AUTS2: variants seen among roughly 807,000 people sequenced by gnomAD.
AUTS2 encodes autism susceptibility gene 2 protein.
Under a neutral mutation model 112.4 loss-of-function variants are expected in AUTS2, and 17 were observed. The ratio of observed to expected loss-of-function variants is 0.15; its 90% CI spans 0.10 to 0.23. AUTS2 has a LOEUF of 0.23. Among genes scored for constraint, AUTS2 ranks in the 10% least tolerant of loss-of-function variants. The pLI is 1.00. For missense variants in AUTS2, 1,510 were observed against 1,701.6 expected (o/e 0.89, Z 1.98); for synonymous variants, 751 against 702.7 (o/e 1.07, Z -1.09).
intron 1 of AUTS2, among the ~76,000 whole-genome samples, chr7:69,861,686 C>T (rs1792990581): frequency 6.6e-6 from 1 of 152,082 alleles, no homozygotes; most frequent in Non-Finnish European, 1.5e-5. Flanking sequence ...AATTAATTAC[C>T]TCATCTGGAG....
chr7:70,528,332 C>T (rs1043307407), intron 5 of AUTS2, among the ~76,000 whole-genome samples: 10 of 151,110 alleles, frequency 6.6e-5, no homozygotes, highest in African/African-American at 1.5e-4. Context: ...TGGTTGAGGG[C>T]GAGAGGAAAG....
At chr7:70,126,253 T>C (rs1805964802) in intron 3 of AUTS2, among the ~76,000 whole-genome samples, 1 of 152,104 alleles carries the variant, frequency 6.6e-6, no homozygotes, top group African/African-American at 2.4e-5. Context: ...ACCCCGTCTC[T>C]ACTAAAACTA....
chr7:70,030,440 G>A lies in AUTS2; in HGVS notation c.523-87692G>A, dbSNP rs149810138. On this transcript the variant is annotated intron_variant, in intron 2 of 18. Transcript: ENST00000342771. The stretch of plus-strand genomic sequence containing the variant: ...GGTAATGATGTAATGACCTTGGAGG[G>A]GCAGGCCAGTTTTCCGCTGTGAAGC... 1.6e-3 allele frequency among the ~76,000 whole-genome samples: 247 copies of A among 152,206 alleles called. 1 individual carries two copies. Among genetic ancestry groups the A allele is most frequent in the Non-Finnish European group, 1.9e-3 (129 of 68,016 alleles).
chr7:70,403,937 C>T (rs1794427400), intron 4 of AUTS2, among the ~76,000 whole-genome samples: 1 of 152,122 alleles, frequency 6.6e-6, no homozygotes, highest in South Asian at 2.1e-4. Flanking sequence ...GGCTTGAAAA[C>T]ATTCATACCC....
At chr7:70,596,216 A>G (rs898126253) in intron 5 of AUTS2, 1 of 152,482 alleles carries the variant, frequency 6.6e-6, no homozygotes, top group African/African-American at 2.4e-5. Context: ...GGGCCGAGGC[A>G]TCCGCGAGCC....
Position 69,729,994 on chromosome 7 carries a change from A to ATTT in AUTS2, c.309+130055_309+130057dup, listed in dbSNP as rs10684331. Among the ~76,000 whole-genome samples, 349 of 56,724 alleles carry ATTT rather than the reference A, an allele frequency of 6.2e-3. 8 individuals carry two copies. The highest frequency in any genetic ancestry group is 0.019 in the Middle Eastern group (1 of 54). The allele number at this position is 56,724 out of a possible 152,430, so 37.2% of individuals were successfully genotyped here. On this transcript the variant is annotated intron_variant, in intron 1 of 18. Transcript: ENST00000342771. ...GTTTTTTTTTGTTGTTGTTGTTTTA[A>ATTT]TTTTTTTTTTTTTTTTTTTTTTTTT...
At chr7:69,873,347 G>A (rs1265571404) in intron 1 of AUTS2, among the ~76,000 whole-genome samples, 1 of 151,398 alleles carries the variant, frequency 6.6e-6, no homozygotes, top group Admixed American at 6.6e-5. Flanking sequence ...AGCCCTTATT[G>A]GTATGGTTAA....
intron 1 of AUTS2, among the ~76,000 whole-genome samples, chr7:69,870,050 T>C (rs1403754114): frequency 6.6e-6 from 1 of 152,180 alleles, no homozygotes; most frequent in African/African-American, 2.4e-5. Context: ...GAGACTGTGA[T>C]TGTTAATATA....
chr7:70,403,789 G>A (rs1794422067), intron 4 of AUTS2, among the ~76,000 whole-genome samples: 1 of 152,164 alleles, frequency 6.6e-6, no homozygotes, highest in African/African-American at 2.4e-5. Context: ...TTATGTGCTG[G>A]GCAGTTTGGG....
At chr7:70,090,174 A>G (rs1312944187) in intron 2 of AUTS2, among the ~76,000 whole-genome samples, 1 of 151,784 alleles carries the variant, frequency 6.6e-6, no homozygotes, top group Non-Finnish European at 1.5e-5. Flanking sequence ...GTTATACCAT[A>G]TCTTCAACTT....
intron 1 of AUTS2, among the ~76,000 whole-genome samples, chr7:69,688,606 C>T (rs1322309802): frequency 6.6e-6 from 1 of 152,042 alleles, no homozygotes; most frequent in African/African-American, 2.4e-5. Flanking sequence ...TCATCTCAAA[C>T]ATTTATCATT....
At chr7:70,168,220 G>T (rs545563382) in intron 4 of AUTS2, among the ~76,000 whole-genome samples, 1 of 152,214 alleles carries the variant, frequency 6.6e-6, no homozygotes, top group East Asian at 1.9e-4. Flanking sequence ...GATGTGAATT[G>T]GTTCTTCAGA....
chr7:70,620,648 TA>T (rs1021136145), intron 5 of AUTS2, among the ~76,000 whole-genome samples: 3 of 152,132 alleles, frequency 2.0e-5, no homozygotes, highest in Non-Finnish European at 4.4e-5. Context: ...GTGATTTCAT[TA>T]GGATTTCTCA....
intron 5 of AUTS2, among the ~76,000 whole-genome samples, chr7:70,684,550 G>GTGGCA (rs369419261): frequency 0.029 from 4,407 of 151,416 alleles, 228 homozygotes; most frequent in African/African-American, 0.1. Context: ...GTGGTGTGGC[G>GTGGCA]TGGCGTGGCG....
At chr7:70,674,812 C>T (rs1212690587) in intron 5 of AUTS2, among the ~76,000 whole-genome samples, 2 of 152,212 alleles carry the variant, frequency 1.3e-5, no homozygotes, top group African/African-American at 4.8e-5. Flanking sequence ...AAAGAATCCA[C>T]AATGGATTTC....
chr7:70,467,528 A>G (rs1230125961), intron 5 of AUTS2, among the ~76,000 whole-genome samples: 4 of 152,224 alleles, frequency 2.6e-5, no homozygotes, highest in African/African-American at 9.6e-5. Flanking sequence ...TAACAAAAAT[A>G]TAACTGTTAG....
At chr7:70,185,314 C>T (rs1009136677) in intron 4 of AUTS2, among the ~76,000 whole-genome samples, 4 of 134,524 alleles carry the variant, frequency 3.0e-5, no homozygotes, top group Non-Finnish European at 6.1e-5. Context: ...ATGTTGCGCT[C>T]GCTAGTGGTC....
chr7:69,956,691 A>G (rs2129546528), intron 2 of AUTS2, among the ~76,000 whole-genome samples: 1 of 152,274 alleles, frequency 6.6e-6, no homozygotes, highest in Non-Finnish European at 1.5e-5. Flanking sequence ...GGGCTGTGAA[A>G]CAGTCAGTCC....
In AUTS2 at chr7:70,309,812, C is replaced by T. The variant is rs976372928; in HGVS notation, c.661-125940C>T. Among the ~76,000 whole-genome samples, 9 of 152,186 alleles carry T rather than the reference C, an allele frequency of 5.9e-5. 1 individual carries two copies. The highest frequency in any genetic ancestry group is 5.9e-4 in the Admixed American group (9 of 15,278). On this transcript the variant is annotated intron_variant, in intron 4 of 18. Coordinates refer to ENST00000342771, the MANE Select transcript of AUTS2 (RefSeq NM_015570.4). Reference sequence around the variant, plus strand: ...ACCCAGTCCTATTTCATAAATAGCACATCAGCGCTTCAGTGATTAAGAAAC... The same window carrying T: ...ACCCAGTCCTATTTCATAAATAGCATATCAGCGCTTCAGTGATTAAGAAAC...
Sources: allele counts gnomAD v4.1 joint callset (sites outside exome capture counted in the v4.1 genomes callset), GRCh38; gene constraint gnomAD v4.1.1; transcripts MANE v1.5; gene names NCBI Gene and HGNC (gene_info 2026-07-23, HGNC 2026-07-21).